Variants in FHIT observed in about 807,000 individuals in gnomAD.
The protein encoded by FHIT is bis(5'-adenosyl)-triphosphatase.
A neutral mutation model predicts 17.9 loss-of-function variants in FHIT; 19 were observed. The ratio of observed to expected loss-of-function variants is 1.06; its 90% confidence interval spans 0.74 to 1.56. The LOEUF (loss-of-function observed/expected upper bound fraction) is 1.56, where lower values mean the gene tolerates loss of function less well. FHIT is among the 40% of genes most tolerant of loss of function. The pLI is 0.00. For synonymous variants in FHIT, 81 were observed against 69.7 expected, an observed-to-expected ratio of 1.16 and a Z score of -0.81; for missense variants, 248 against 189.2, an observed-to-expected ratio of 1.31 and a Z score of -1.82.
chr3:60,061,459 T>C (rs941525289), intron 5 of FHIT, among the ~76,000 whole-genome samples: 26 of 152,232 alleles, frequency 1.7e-4, no homozygotes, highest in Non-Finnish European at 2.9e-5. Context: ...TTTATGCTCT[T>C]TCCCTCAAGA....
intron 4 of FHIT, chr3:60,732,681 C>G (rs1553711637): frequency 8.5e-6 from 2 of 234,274 alleles, no homozygotes; most frequent in Admixed American, 5.9e-5. Flanking sequence ...TCTGCAAAGA[C>G]TGCTTTTTTT....
chr3:59,782,317 G>A (rs1421402985), intron 8 of FHIT, among the ~76,000 whole-genome samples: 1 of 152,110 alleles, frequency 6.6e-6, no homozygotes, highest in Non-Finnish European at 1.5e-5. Context: ...TAACTACTGG[G>A]TTGTTGTGTG....
intron 4 of FHIT, among the ~76,000 whole-genome samples, chr3:60,609,333 A>T (rs1359326482): frequency 6.7e-6 from 1 of 149,740 alleles, no homozygotes. Flanking sequence ...TTTTTTATTT[A>T]TTTTTTTTTT....
At chr3:60,330,276 A>G (rs1709901322) in intron 5 of FHIT, among the ~76,000 whole-genome samples, 1 of 152,178 alleles carries the variant, frequency 6.6e-6, no homozygotes, top group African/African-American at 2.4e-5. Flanking sequence ...ACGGGTCATA[A>G]ACCCTTCATG....
At chr3:60,316,856 C>T (rs1303825632) in intron 5 of FHIT, among the ~76,000 whole-genome samples, 1 of 152,140 alleles carries the variant, frequency 6.6e-6, no homozygotes, top group Non-Finnish European at 1.5e-5. Context: ...ATGGATTATA[C>T]ACAGCAATGT....
intron 8 of FHIT, among the ~76,000 whole-genome samples, chr3:59,771,258 A>T (rs1702060100): frequency 6.6e-6 from 1 of 152,216 alleles, no homozygotes; most frequent in African/African-American, 2.4e-5. Flanking sequence ...GTCATAATAG[A>T]TGGAAGGAGA....
chr3:60,736,498 G>A (rs1409013644), intron 4 of FHIT, among the ~76,000 whole-genome samples: 5 of 152,162 alleles, frequency 3.3e-5, no homozygotes, highest in Non-Finnish European at 7.4e-5. Flanking sequence ...TCACAACATG[G>A]ATGAGCCTTG....
chr3:61,207,587 A>G lies in FHIT; in HGVS notation c.-212-6922T>C, dbSNP rs572907782. Among the ~76,000 whole-genome samples, 22 of 152,018 alleles carry G rather than the reference A, an allele frequency of 1.4e-4. No individual in the cohort carries two copies. The East Asian group carries it at 3.3e-3, about 23-fold the overall frequency. ...CTGGGAATTTATCAAATTCTTCTAG[A>G]TTTTCTAGTTTATTTGCATAGAGGT... On this transcript the variant is annotated intron_variant, in intron 1 of 9. Transcript: ENST00000492590.
At chr3:60,859,017 TAAAAAGGATTTCACCAGCTCTTTAGGA>T (rs1703503612) in intron 3 of FHIT, among the ~76,000 whole-genome samples, 1 of 152,194 alleles carries the variant, frequency 6.6e-6, no homozygotes, top group Non-Finnish European at 1.5e-5. Flanking sequence ...TGATATTCCC[TAAAAAGGATTTCACCAGCTCTTTAGGA>T]AGAATTGTTT....
At chr3:60,139,694 C>G (rs1462778447) in intron 5 of FHIT, among the ~76,000 whole-genome samples, 1 of 152,068 alleles carries the variant, frequency 6.6e-6, no homozygotes, top group Admixed American at 6.6e-5. Flanking sequence ...AGCACAGTGC[C>G]TGGCCCATAA....
chr3:61,039,285 T>G (rs2033392941), intron 3 of FHIT, among the ~76,000 whole-genome samples: 1 of 152,114 alleles, frequency 6.6e-6, no homozygotes, highest in Admixed American at 6.6e-5. Flanking sequence ...GTAAGAAACA[T>G]GAACGTTTTA....
chr3:61,083,362 G>A (rs1002554117), intron 2 of FHIT, among the ~76,000 whole-genome samples: 11 of 152,222 alleles, frequency 7.2e-5, no homozygotes, highest in South Asian at 2.1e-4. Flanking sequence ...AGGCCGAGGC[G>A]GGCGGATCAC....
chr3:60,818,291 A>G (rs1319466160), intron 4 of FHIT, among the ~76,000 whole-genome samples: 2 of 152,138 alleles, frequency 1.3e-5, no homozygotes, highest in African/African-American at 4.8e-5. Context: ...GGGTTTCCAT[A>G]TAGCGTGTAA....
Position 60,648,539 on chromosome 3 carries a change from A to T in FHIT, c.-17-111560T>A, listed in dbSNP as rs373613426. 5.7e-4 allele frequency among the ~76,000 whole-genome samples: 87 copies of T among 152,288 alleles called. No homozygotes were observed. The South Asian group carries it at 0.018, about 31-fold the overall frequency. Reference sequence around the variant, plus strand: ...AGCCTAAAGCAAAGGAAACAAACAGAAAACATTGAATATTGCTAAAAACAC... The same window carrying T: ...AGCCTAAAGCAAAGGAAACAAACAGTAAACATTGAATATTGCTAAAAACAC... On this transcript the variant is annotated intron_variant, in intron 4 of 9. Transcript: ENST00000492590.
intron 2 of FHIT, among the ~76,000 whole-genome samples, chr3:61,069,252 G>T (rs1209590628): frequency 1.3e-5 from 2 of 152,158 alleles, no homozygotes; most frequent in African/African-American, 4.8e-5. Context: ...AGTAAAGGTT[G>T]CTCCACAAGG....
At chr3:59,895,121 A>G (rs912691350) in intron 8 of FHIT, among the ~76,000 whole-genome samples, 1 of 152,190 alleles carries the variant, frequency 6.6e-6, no homozygotes, top group Non-Finnish European at 1.5e-5. Context: ...TAGAAGCCTG[A>G]ATGCTACAAA....
intron 3 of FHIT, among the ~76,000 whole-genome samples, chr3:61,034,789 C>A (rs1296719654): frequency 2.6e-5 from 4 of 152,066 alleles, no homozygotes; most frequent in African/African-American, 9.7e-5. Flanking sequence ...AGGTATATAT[C>A]CAAAAGGATT....
intron 8 of FHIT, among the ~76,000 whole-genome samples, chr3:59,789,291 A>G (rs575057919): frequency 4.6e-5 from 7 of 152,244 alleles, no homozygotes; most frequent in African/African-American, 1.4e-4. Context: ...TTTATAACCC[A>G]CATTTTTTAT....
chr3:60,092,651 A>G (rs1402532815), intron 5 of FHIT, among the ~76,000 whole-genome samples: 1 of 152,212 alleles, frequency 6.6e-6, no homozygotes, highest in African/African-American at 2.4e-5. Context: ...AATGAATGGA[A>G]GAAATGGAAA....
Sources: gnomAD v4.1 joint callset for allele counts (sites outside exome capture counted in the v4.1 genomes callset) on GRCh38, gnomAD v4.1.1 for gene constraint, MANE v1.5 for transcripts, NCBI Gene and HGNC (gene_info 2026-07-23, HGNC 2026-07-21) for gene names.